Variants in GPD2 observed in about 807,000 individuals in gnomAD.
GPD2 encodes the protein glycerol-3-phosphate dehydrogenase 2, also known as glycerol-3-phosphate dehydrogenase, mitochondrial.
Under a neutral mutation model 82.4 loss-of-function variants are expected in GPD2, and 54 were observed. That is an observed-to-expected ratio of 0.66 (90% CI 0.53 to 0.82). The LOEUF is 0.82. Ranked by LOEUF, GPD2 falls within the 40% of genes least tolerant of loss-of-function variation. The pLI, the probability that GPD2 is intolerant of heterozygous loss-of-function variation, is 0.00. For synonymous variants in GPD2, 288 were observed against 306.1 expected, an observed-to-expected ratio of 0.94 and a Z score of 0.62; for missense variants, 748 against 896.2, an observed-to-expected ratio of 0.83 and a Z score of 2.11.
intron 8 of GPD2, among the ~76,000 whole-genome samples, chr2:156,552,656 G>A (rs1686802565): frequency 2.6e-5 from 4 of 152,014 alleles, no homozygotes; most frequent in Admixed American, 2.6e-4. Flanking sequence ...CAGACCTTAT[G>A]TTAATTCTGT....
chr2:156,426,883 T>C, the GPD2 span, among the ~76,000 whole-genome samples: 47 of 152,308 alleles, frequency 3.1e-4, no homozygotes, highest in South Asian at 1.7e-3. Flanking sequence ...GTTTTTGTTA[T>C]GAAGGGCCTG....
At chr2:156,424,202 G>GA in the GPD2 span, among the ~76,000 whole-genome samples, 104,954 of 147,382 alleles carry the variant, frequency 0.71, 37,524 homozygotes, top group South Asian at 0.81. Flanking sequence ...ATTAAATAAG[G>GA]AAAAAAAAAA....
At chr2:156,482,253 A>G (rs1271578580) in intron 2 of GPD2, among the ~76,000 whole-genome samples, 1 of 152,210 alleles carries the variant, frequency 6.6e-6, no homozygotes, top group African/African-American at 2.4e-5. Context: ...AGACAGGTGT[A>G]CCAACACTCT....
At chr2:156,446,950 C>G (rs1235459833) in intron 1 of GPD2, among the ~76,000 whole-genome samples, 3 of 152,132 alleles carry the variant, frequency 2.0e-5, no homozygotes, top group Non-Finnish European at 4.4e-5. Flanking sequence ...CCATCAACCC[C>G]TCATTAATTC....
rs570273202 is a variant in GPD2 at position 156,510,364 on chromosome 2, T to A, written c.275-432T>A. ...AAGTCTAGTCTAGATTTATTCATGA[T>A]GCATGCATTAGAGTAGATCAGAGAT... On this transcript the variant is annotated intron_variant, in intron 3 of 16. Coordinates refer to ENST00000438166, the MANE Select transcript of GPD2 (RefSeq NM_000408.5). 1.5e-4 allele frequency among the ~76,000 whole-genome samples: 23 copies of A among 152,332 alleles called. 1 individual carries two copies. In the South Asian group the frequency reaches 4.8e-3, roughly 32 times the overall value.
intron 1 of GPD2, among the ~76,000 whole-genome samples, chr2:156,462,328 C>G (rs1041442912): frequency 6.6e-6 from 1 of 151,906 alleles, no homozygotes; most frequent in Non-Finnish European, 1.5e-5. Context: ...TCTTGTTGCC[C>G]AGGCTGGAGT....
At chr2:156,561,702 A>G (rs1159743550) in intron 9 of GPD2, among the ~76,000 whole-genome samples, 1 of 152,224 alleles carries the variant, frequency 6.6e-6, no homozygotes, top group African/African-American at 2.4e-5. Context: ...AGTGTTTTAC[A>G]TTCACCAGGG....
At chr2:156,401,224 C>CA in the GPD2 span, among the ~76,000 whole-genome samples, 1 of 152,286 alleles carries the variant, frequency 6.6e-6, no homozygotes, top group East Asian at 1.9e-4. Flanking sequence ...ATGCTTATAG[C>CA]AAATGTGCTT....
Position 156,569,347 on chromosome 2 carries a change from A to G in GPD2, c.1301-16A>G, listed in dbSNP as rs781084811. 11 of 1,572,844 alleles carry G rather than the reference A, an allele frequency of 7.0e-6. No individual in the cohort carries two copies. In the Admixed American group the frequency reaches 8.4e-5, roughly 12 times the overall value. ...GGGGTGGCAACCTGATGAATTGTCTATCAATTTCTTTATAGGTGGAAAGTG... is the reference window on the plus strand; with the variant it reads ...GGGGTGGCAACCTGATGAATTGTCTGTCAATTTCTTTATAGGTGGAAAGTG... On this transcript the variant is annotated splice_polypyrimidine_tract_variant and intron_variant, in intron 10 of 16. Coordinates refer to ENST00000438166, the MANE Select transcript of GPD2 (RefSeq NM_000408.5).
intron 9 of GPD2, among the ~76,000 whole-genome samples, chr2:156,561,349 G>A (rs776100084): frequency 1.1e-4 from 16 of 152,004 alleles, no homozygotes; most frequent in Non-Finnish European, 4.4e-5. Context: ...CCCAGCCTAA[G>A]CTTTTTGCCT....
chr2:156,577,713 T>C (rs1687875522), intron 13 of GPD2, among the ~76,000 whole-genome samples: 1 of 152,210 alleles, frequency 6.6e-6, no homozygotes, highest in Non-Finnish European at 1.5e-5. Flanking sequence ...TAGGTTATAC[T>C]CAATAACAGT....
chr2:156,446,159 G>C (rs141033268), intron 1 of GPD2, among the ~76,000 whole-genome samples: 9 of 152,040 alleles, frequency 5.9e-5, no homozygotes, highest in African/African-American at 1.9e-4. Flanking sequence ...GCAGTGGGAC[G>C]ATCTCAGCTC....
At chr2:156,574,871 C>G (rs1486642720) in intron 13 of GPD2, among the ~76,000 whole-genome samples, 1 of 152,070 alleles carries the variant, frequency 6.6e-6, no homozygotes, top group Non-Finnish European at 1.5e-5. Flanking sequence ...TAGATCATTG[C>G]TTAAGGTGGC....
At chr2:156,430,689 G>A (rs1271984622), upstream of GPD2, among the ~76,000 whole-genome samples, 1 of 152,208 alleles carries the variant, frequency 6.6e-6, no homozygotes, top group African/African-American at 2.4e-5. Context: ...TTCAGTTCTA[G>A]TATTCCATAC....
intron 1 of GPD2, among the ~76,000 whole-genome samples, chr2:156,469,395 A>G (rs185863727): frequency 6.6e-6 from 1 of 152,130 alleles, no homozygotes; most frequent in African/African-American, 2.4e-5. Flanking sequence ...GAACTTCGGA[A>G]CTCAAGTGAT....
chr2:156,577,086 A>G (rs539621909), intron 13 of GPD2, among the ~76,000 whole-genome samples: 20 of 152,334 alleles, frequency 1.3e-4, no homozygotes, highest in African/African-American at 4.8e-4. Context: ...AGAATTATTC[A>G]CGTTGATAAT....
At chr2:156,516,165 A>T (rs2105279328) in intron 6 of GPD2, among the ~76,000 whole-genome samples, 1 of 152,360 alleles carries the variant, frequency 6.6e-6, no homozygotes, top group South Asian at 2.1e-4. Flanking sequence ...AGTTTATAAG[A>T]TAAGCTTTTC....
intron 1 of GPD2, among the ~76,000 whole-genome samples, chr2:156,444,238 T>C (rs1218493254): frequency 6.6e-6 from 1 of 152,236 alleles, no homozygotes; most frequent in African/African-American, 2.4e-5. Context: ...GCTCTCAGCC[T>C]CTCCAGGTAT....
At chr2:156,557,629 C>A (rs776745651) in intron 9 of GPD2, 47 bp downstream of exon 9, 1 of 1,012,266 alleles carries the variant, frequency 9.9e-7, no homozygotes. Flanking sequence ...CCATATCTCC[C>A]AAGCCATTCC....
Sources: allele counts gnomAD v4.1 joint callset (sites outside exome capture counted in the v4.1 genomes callset), GRCh38; gene constraint gnomAD v4.1.1; transcripts MANE v1.5; gene names NCBI Gene and HGNC (gene_info 2026-07-23, HGNC 2026-07-21).